ABHD13: variants seen among roughly 807,000 people sequenced by gnomAD.
The protein encoded by ABHD13 is protein ABHD13.
In ABHD13, 7 loss-of-function variants were observed where a neutral mutation model predicts 25.2. That is an observed-to-expected ratio of 0.28 (90% CI 0.16 to 0.52). ABHD13 has a LOEUF of 0.52. Among genes scored for constraint, ABHD13 ranks in the 20% least tolerant of loss-of-function variants. The pLI, the probability that ABHD13 is intolerant of heterozygous loss-of-function variation, is 0.96. For missense variants in ABHD13, 302 were observed against 402.7 expected (o/e 0.75, Z 2.14); for synonymous variants, 133 against 136.1 (o/e 0.98, Z 0.16).
chr13:108,222,350 TTTTA>T (rs776662886), intron 1 of ABHD13, among the ~76,000 whole-genome samples: 33 of 152,254 alleles, frequency 2.2e-4, no homozygotes, highest in African/African-American at 2.9e-4. Context: ...ATATATAAGT[TTTTA>T]TTTATTTTTA....
rs1429474348 is a variant in ABHD13, at chr13:108,233,882, C to CTT, written c.*3655_*3656dup. ...TAAAAATAGGACCATGTATGAGACA[C>CTT]TTTTTTACAAAAAGTGCCGTATATA... On this transcript the variant is annotated 3_prime_UTR_variant, in exon 2 of 2. Transcript: ENST00000375898. 2 of 166,728 alleles carry CTT rather than the reference C, an allele frequency of 1.2e-5. No homozygotes were observed. The highest frequency in any genetic ancestry group is 2.9e-5 in the Non-Finnish European group (2 of 67,882). 10.3% of individuals were successfully genotyped at this position (166,728 alleles called of 1,614,324 possible). A position where few individuals can be genotyped will look rare whatever the true frequency, so the allele number is the denominator to read the frequency against.
intron 1 of ABHD13, among the ~76,000 whole-genome samples, chr13:108,219,055 G>T (rs949045427): frequency 5.9e-5 from 9 of 152,004 alleles, no homozygotes; most frequent in Non-Finnish European, 1.3e-4. Flanking sequence ...ACAAACCTAA[G>T]ATCCCTAAAA....
chr13:108,220,982 C>T (rs1879556061), intron 1 of ABHD13, among the ~76,000 whole-genome samples: 1 of 152,158 alleles, frequency 6.6e-6, no homozygotes, highest in South Asian at 2.1e-4. Context: ...AATCTCAGAA[C>T]AAATTGTGGT....
At chr13:108,222,938 G>A (rs1244477775) in intron 1 of ABHD13, among the ~76,000 whole-genome samples, 1 of 152,232 alleles carries the variant, frequency 6.6e-6, no homozygotes, top group African/African-American at 2.4e-5. Context: ...AGTTGTAAAG[G>A]GAAGAGTATT....
intron 1 of ABHD13, among the ~76,000 whole-genome samples, chr13:108,226,629 G>C (rs16972155): frequency 6.6e-6 from 1 of 152,122 alleles, no homozygotes; most frequent in Non-Finnish European, 1.5e-5. Context: ...AAAACATAAT[G>C]CTGGCTGTAG....
intron 1 of ABHD13, among the ~76,000 whole-genome samples, 156 bp downstream of exon 1, chr13:108,218,815 G>T (rs1181872967): frequency 6.6e-6 from 1 of 151,176 alleles, no homozygotes; most frequent in African/African-American, 2.4e-5. Context: ...CTTCCCCTGG[G>T]GGTCGTGCGG....
In ABHD13 at chr13:108,218,459, A is replaced by G. The variant is rs1306274453; in HGVS notation, c.-221A>G. The G allele has an allele frequency of 3.3e-5, 5 of 152,100 alleles. No individual in the cohort carries two copies. Among genetic ancestry groups the G allele is most frequent in the Non-Finnish European group, 5.9e-5 (4 of 68,050 alleles). 9.4% of individuals were successfully genotyped at this position (152,100 alleles called of 1,614,324 possible). On this transcript the variant is annotated 5_prime_UTR_variant, in exon 1 of 2. Coordinates refer to ENST00000375898, the MANE Select transcript of ABHD13 (RefSeq NM_032859.3). ...AGGTTATGTGGGAGCCGGCGGGGGCATTTGCCGGCGACACCCGAGCGGGGG... is the reference window on the plus strand; with the variant it reads ...AGGTTATGTGGGAGCCGGCGGGGGCGTTTGCCGGCGACACCCGAGCGGGGG...
At chr13:108,226,562 A>G (rs1396338443) in intron 1 of ABHD13, among the ~76,000 whole-genome samples, 1 of 152,138 alleles carries the variant, frequency 6.6e-6, no homozygotes, top group Non-Finnish European at 1.5e-5. Context: ...TTATCTGAAG[A>G]GGGAGAAAGG....
rs147102037 is a variant in ABHD13, at chr13:108,229,291, C to A, written c.73C>A (p.Leu25Ile). The A allele has an allele frequency of 4.5e-5, 72 of 1,608,172 alleles. No individual in the cohort carries two copies. In the African/African-American group the frequency reaches 7.9e-4, roughly 18 times the overall value. The change falls in exon 2 of 2, where the codon CTC becomes ATC. Residue 25 changes from leucine to isoleucine, a missense_variant. Coordinates refer to ENST00000375898, the MANE Select transcript of ABHD13 (RefSeq NM_032859.3). The surrounding 1 kb of genome is among the most constrained non-coding windows in gnomAD (Gnocchi z 4.7). ...LIALASWSWA[L>I]CRISLLPLIV... The stretch of plus-strand genomic sequence containing the variant: ...AGCCTTGGCTTCATGGTCTTGGGCT[C>A]TCTGCCGTATTTCTCTTTTACCTTT...
Position 108,232,675 on chromosome 13 carries a change from A to G in ABHD13, c.*2443A>G, listed in dbSNP as rs918548674. The G allele has an allele frequency of 6.0e-6, 1 of 166,862 alleles. No individual in the cohort carries two copies. The highest frequency in any genetic ancestry group is 2.4e-5 in the African/African-American group (1 of 41,448). The allele number at this position is 166,862 out of a possible 1,614,324, so 10.3% of individuals were successfully genotyped here. On this transcript the variant is annotated 3_prime_UTR_variant, in exon 2 of 2. Coordinates refer to ENST00000375898, the MANE Select transcript of ABHD13 (RefSeq NM_032859.3). ...AGCAGCTATAGGAGTTTACAAAAGA[A>G]CTTTAAGTTATTAAGTTACTATAAA... is the stretch of plus-strand genomic sequence containing the variant.
Position 108,229,738 on chromosome 13 carries a change from G to C in ABHD13, c.520G>C (p.Asp174His). ...CTACTTAGATTCTGAAGCTGTGTTA[G>C]ACTACGTGATGACTAGACCTGACCT... ...GLYLDSEAVL[D>H]YVMTRPDLDK... Residue 174 changes from aspartate (D) to histidine (H), a missense_variant, in exon 2 of 2, where the codon GAC becomes CAC. Physicochemically the swap from Asp to His is moderately conservative, Grantham distance 81. Coordinates refer to ENST00000375898, the MANE Select transcript of ABHD13 (RefSeq NM_032859.3). The surrounding 1 kb of genome is among the most constrained non-coding windows in gnomAD (Gnocchi z 4.7). 1 of 1,613,376 alleles carries C rather than the reference G, an allele frequency of 6.2e-7. No individual in the cohort carries two copies. The highest frequency in any genetic ancestry group is 8.5e-7 in the Non-Finnish European group (1 of 1,179,504).
chr13:108,225,363 G>A (rs1401337590), intron 1 of ABHD13, among the ~76,000 whole-genome samples: 1 of 152,126 alleles, frequency 6.6e-6, no homozygotes, highest in Non-Finnish European at 1.5e-5. Flanking sequence ...GAAAAGGAAT[G>A]AAATCACTGA....
intron 1 of ABHD13, among the ~76,000 whole-genome samples, chr13:108,226,387 C>T (rs907430602): frequency 6.6e-6 from 1 of 152,144 alleles, no homozygotes; most frequent in Non-Finnish European, 1.5e-5. Flanking sequence ...CCTGTTTATA[C>T]TTCCCACTGG....
intron 1 of ABHD13, among the ~76,000 whole-genome samples, chr13:108,225,433 G>A (rs1262433794): frequency 6.6e-6 from 1 of 152,108 alleles, no homozygotes; most frequent in Non-Finnish European, 1.5e-5. Context: ...CTGCTTTTCG[G>A]GGTATAGGGC....
At chr13:108,228,365 A>G (rs1879717011) in intron 1 of ABHD13, among the ~76,000 whole-genome samples, 3 of 151,932 alleles carry the variant, frequency 2.0e-5, no homozygotes, top group South Asian at 4.1e-4. Flanking sequence ...TTAGCAATCT[A>G]TTGACCCCAG....
At chr13:108,221,382 A>C (rs1423614846) in intron 1 of ABHD13, among the ~76,000 whole-genome samples, 1 of 152,144 alleles carries the variant, frequency 6.6e-6, no homozygotes, top group Non-Finnish European at 1.5e-5. Context: ...AAGAGGAGAG[A>C]GATTGATATA....
At chr13:108,221,125 T>C (rs923008208) in intron 1 of ABHD13, among the ~76,000 whole-genome samples, 2 of 152,244 alleles carry the variant, frequency 1.3e-5, no homozygotes, top group African/African-American at 4.8e-5. Context: ...TCATACAGAT[T>C]TAAATCCTAG....
At chr13:108,228,401 A>G (rs1449874791) in intron 1 of ABHD13, among the ~76,000 whole-genome samples, 1 of 152,028 alleles carries the variant, frequency 6.6e-6, no homozygotes, top group Non-Finnish European at 1.5e-5. Context: ...TAAAGAGTAT[A>G]TAAAAGATAC....
rs111476266 is a variant in ABHD13, at chr13:108,231,146, G to A, written c.*914G>A. 1.9e-3 allele frequency: 325 copies of A among 166,698 alleles called. 3 individuals are homozygous for A. Among genetic ancestry groups the A allele is most frequent in the African/African-American group, 7.2e-3 (298 of 41,520 alleles). The allele number at this position is 166,698 out of a possible 1,614,324, so 10.3% of individuals were successfully genotyped here. On this transcript the variant is annotated 3_prime_UTR_variant, in exon 2 of 2. Transcript: ENST00000375898. ...TTAAATTAGGAAGTCTTTTATCATT[G>A]CAGGATTGTACATACTACTTTATAA... is the stretch of plus-strand genomic sequence containing the variant.
Sources: allele counts gnomAD v4.1 joint callset (sites outside exome capture counted in the v4.1 genomes callset), GRCh38; gene constraint gnomAD v4.1.1; non-coding constraint Gnocchi (gnomAD v3.1); transcripts MANE v1.5; gene names NCBI Gene and HGNC (gene_info 2026-07-23, HGNC 2026-07-21).